SBF2: variants seen among roughly 807,000 people sequenced by gnomAD.
The protein encoded by SBF2 is SET binding factor 2, also known as myotubularin-related protein 13.
In SBF2, 112 loss-of-function variants were observed where a neutral mutation model predicts 225.2. That is an observed-to-expected ratio of 0.50 (90% confidence interval 0.43 to 0.58). The LOEUF is 0.58. SBF2 is among the 20% of genes least tolerant of loss of function. The pLI is 0.00. For synonymous variants in SBF2, 763 were observed against 773.3 expected (o/e 0.99, Z 0.22); for missense variants, 1,996 against 2,206.2 (o/e 0.90, Z 1.91).
intron 2 of SBF2, among the ~76,000 whole-genome samples, chr11:10,169,911 C>G (rs1230726024): frequency 6.6e-6 from 1 of 152,100 alleles, no homozygotes; most frequent in African/African-American, 2.4e-5. Context: ...TAGTTTTGAT[C>G]TGCATTTCTC....
At chr11:10,220,520 C>G (rs1164605011) in intron 1 of SBF2, among the ~76,000 whole-genome samples, 1 of 152,128 alleles carries the variant, frequency 6.6e-6, no homozygotes, top group African/African-American at 2.4e-5. Context: ...TCCTTTCTAC[C>G]ACCACTCCCT....
At chr11:10,129,873 G>A (rs1054718593) in intron 2 of SBF2, among the ~76,000 whole-genome samples, 3 of 152,078 alleles carry the variant, frequency 2.0e-5, no homozygotes, top group Non-Finnish European at 4.4e-5. Flanking sequence ...AATGAGGTAT[G>A]GTGGTGCATA....
chr11:10,019,247 C>A (rs1041101521), intron 6 of SBF2, among the ~76,000 whole-genome samples: 8 of 152,124 alleles, frequency 5.3e-5, no homozygotes, highest in Non-Finnish European at 8.8e-5. Context: ...GACTCCCATG[C>A]CATTTATTAG....
chr11:10,067,587 G>C (rs1304820426), intron 2 of SBF2, among the ~76,000 whole-genome samples: 1 of 152,068 alleles, frequency 6.6e-6, no homozygotes, highest in Non-Finnish European at 1.5e-5. Context: ...GCCCAGCATA[G>C]TACTAGAGTA....
intron 1 of SBF2, among the ~76,000 whole-genome samples, chr11:10,238,859 G>T (rs1959171573): frequency 6.6e-6 from 1 of 150,928 alleles, no homozygotes; most frequent in African/African-American, 2.4e-5. Flanking sequence ...GTTGCGGTGA[G>T]CCGAGATTGC....
At chr11:9,850,244 T>C (rs770209125) in intron 21 of SBF2, 26 bp from the exon 22 acceptor site, 7 of 1,603,704 alleles carry the variant, frequency 4.4e-6, no homozygotes, top group Non-Finnish European at 5.1e-6. Context: ...GATTGATTGA[T>C]TGATTGATTG....
intron 6 of SBF2, among the ~76,000 whole-genome samples, chr11:10,014,505 T>TAA (rs1181315538): frequency 0.23 from 16,439 of 70,426 alleles, 1,677 homozygotes; most frequent in Non-Finnish European, 0.32. Flanking sequence ...CCATTTCAAC[T>TAA]AAAAAAAAAA....
chr11:9,861,038 T>C (rs988313345), intron 17 of SBF2, among the ~76,000 whole-genome samples: 1 of 152,238 alleles, frequency 6.6e-6, no homozygotes, highest in Non-Finnish European at 1.5e-5. Context: ...GTCCCTTATC[T>C]GAAATACTTG....
chr11:9,890,325 G>C (rs1860695516), intron 17 of SBF2, among the ~76,000 whole-genome samples: 1 of 152,182 alleles, frequency 6.6e-6, no homozygotes, highest in South Asian at 2.1e-4. Flanking sequence ...ACACACTTAA[G>C]ATGGGTGAAT....
At position 9,997,732 on chromosome 11, in the gene SBF2, C is replaced by T. The variant is rs546187483; in HGVS notation, c.975+534G>A. On this transcript the variant is annotated intron_variant, in intron 9 of 39. Coordinates refer to ENST00000256190, the MANE Select transcript of SBF2 (RefSeq NM_030962.4). Reference sequence around the variant, plus strand: ...GGCGGAGCTTGCAGTGAGCCCAGATCGTGCCACTGCACTCCAGCCTGGGCG... The same window carrying T: ...GGCGGAGCTTGCAGTGAGCCCAGATTGTGCCACTGCACTCCAGCCTGGGCG... Among the ~76,000 whole-genome samples the T allele has an allele frequency of 1.2e-4, 18 of 152,226 alleles. No individual in the cohort carries two copies. The South Asian group carries it at 3.5e-3, about 30-fold the overall frequency.
chr11:10,268,050 C>T (rs1962158926), intron 1 of SBF2, among the ~76,000 whole-genome samples: 1 of 152,118 alleles, frequency 6.6e-6, no homozygotes, highest in African/African-American at 2.4e-5. Context: ...TAGAAGACCG[C>T]GTAGGACAAG....
At chr11:10,276,011 G>A (rs1046597762) in intron 1 of SBF2, among the ~76,000 whole-genome samples, 1 of 151,888 alleles carries the variant, frequency 6.6e-6, no homozygotes, top group Non-Finnish European at 1.5e-5. Flanking sequence ...CAAGAAGCTT[G>A]AAAAAAAGCA....
rs187752993 is a variant in SBF2 at position 9,862,173 on chromosome 11, T to C, written c.1930-3777A>G. Among the ~76,000 whole-genome samples, 480 of 152,296 alleles carry C rather than the reference T, an allele frequency of 3.2e-3. 2 individuals carry two copies. Among genetic ancestry groups the C allele is most frequent in the African/African-American group, 0.011 (460 of 41,560 alleles). On this transcript the variant is annotated intron_variant, in intron 17 of 39. Coordinates refer to ENST00000256190, the MANE Select transcript of SBF2 (RefSeq NM_030962.4). ...ATCATTAACCCCCAAATACTTAAAATATTATTCTTTTTCTAGACATGCAGT... is the reference window on the plus strand; with the variant it reads ...ATCATTAACCCCCAAATACTTAAAACATTATTCTTTTTCTAGACATGCAGT...
chr11:10,210,465 T>G (rs925134977), intron 1 of SBF2, among the ~76,000 whole-genome samples: 4 of 151,038 alleles, frequency 2.6e-5, no homozygotes, highest in Non-Finnish European at 5.9e-5. Flanking sequence ...GCCAAAGCCT[T>G]GTCACATGAT....
chr11:10,158,492 C>T lies in SBF2; in HGVS notation c.141+35410G>A, dbSNP rs529594565. Among the ~76,000 whole-genome samples the T allele has an allele frequency of 7.9e-5, 12 of 152,174 alleles. No individual in the cohort carries two copies. In the South Asian group the frequency reaches 1.2e-3, roughly 16 times the overall value. ...ATAAAATCAGAAATAAAACAGCCAACACTACAATTGATATCATAGAAATAG... is the reference window on the plus strand; with the variant it reads ...ATAAAATCAGAAATAAAACAGCCAATACTACAATTGATATCATAGAAATAG... On this transcript the variant is annotated intron_variant, in intron 2 of 39. Transcript: ENST00000256190.
chr11:10,178,413 A>T (rs972344868), intron 2 of SBF2, among the ~76,000 whole-genome samples: 41 of 141,170 alleles, frequency 2.9e-4, no homozygotes, highest in African/African-American at 1.1e-3. Context: ...GGCAACCTAC[A>T]AAATGGGAGA....
intron 1 of SBF2, among the ~76,000 whole-genome samples, chr11:10,257,445 C>A (rs1403561170): frequency 1.3e-5 from 2 of 151,984 alleles, no homozygotes; most frequent in African/African-American, 4.8e-5. Flanking sequence ...GTGGGAGGAC[C>A]ACTTGAGCTC....
chr11:10,264,491 A>AG (rs1961747790), intron 1 of SBF2, among the ~76,000 whole-genome samples: 1 of 152,168 alleles, frequency 6.6e-6, no homozygotes. Flanking sequence ...GTATTTACCA[A>AG]GGGTCTTCCA....
At chr11:10,081,203 A>G (rs1202445197) in intron 2 of SBF2, among the ~76,000 whole-genome samples, 2 of 152,212 alleles carry the variant, frequency 1.3e-5, no homozygotes, top group Non-Finnish European at 2.9e-5. Context: ...TTTTAAAAAA[A>G]TCTCAAAATC....
Sources: allele counts gnomAD v4.1 joint callset (sites outside exome capture counted in the v4.1 genomes callset), GRCh38; gene constraint gnomAD v4.1.1; transcripts MANE v1.5; gene names NCBI Gene and HGNC (gene_info 2026-07-23, HGNC 2026-07-21).